FBXW7: variants seen among roughly 807,000 people sequenced by gnomAD.
The protein encoded by FBXW7 is F-box and WD repeat domain containing 7.
A neutral mutation model predicts 86.3 loss-of-function variants in FBXW7; 11 were observed. That is an observed-to-expected ratio of 0.13 (90% CI 0.08 to 0.21). The LOEUF is 0.21. Ranked by LOEUF, FBXW7 falls within the 10% of genes least tolerant of loss-of-function variation. The pLI, the probability that FBXW7 is intolerant of heterozygous loss-of-function variation, is 1.00. For synonymous variants in FBXW7, 313 were observed against 297.9 expected, an observed-to-expected ratio of 1.05 and a Z score of -0.52; for missense variants, 488 against 847.4, an observed-to-expected ratio of 0.58 and a Z score of 5.27.
At chr4:152,497,443 A>T (rs1364967366) in intron 2 of FBXW7, among the ~76,000 whole-genome samples, 1 of 151,878 alleles carries the variant, frequency 6.6e-6, no homozygotes, top group East Asian at 1.9e-4. Context: ...AATCACCACA[A>T]ATCAATTTAA....
At position 152,374,802 on chromosome 4, in the gene FBXW7, G is replaced by T. The variant is rs531501547; in HGVS notation, c.502-24678C>A. ...CCAGAAGGGAGGTTTCAAGAGAGAG[G>T]TAAGCTGGACCATGAGGTCATGGAA... On this transcript the variant is annotated intron_variant, in intron 4 of 13. Coordinates refer to ENST00000281708, the MANE Select transcript of FBXW7 (RefSeq NM_001349798.2). Among the ~76,000 whole-genome samples, 15 of 151,840 alleles carry T rather than the reference G, an allele frequency of 9.9e-5. No homozygotes were observed. In the South Asian group the frequency reaches 3.1e-3, roughly 32 times the overall value.
intron 4 of FBXW7, among the ~76,000 whole-genome samples, chr4:152,396,584 G>A (rs1736435666): frequency 6.6e-6 from 1 of 152,098 alleles, no homozygotes; most frequent in South Asian, 2.1e-4. Flanking sequence ...ACTCAAAGAA[G>A]GAGTCCATGT....
intron 4 of FBXW7, among the ~76,000 whole-genome samples, chr4:152,387,181 A>G (rs1318029275): frequency 6.6e-6 from 1 of 152,222 alleles, no homozygotes; most frequent in Non-Finnish European, 1.5e-5. Flanking sequence ...AAACTTTCAC[A>G]GGAATAATAT....
chr4:152,493,822 TGTG>T (rs1356634779), intron 2 of FBXW7, among the ~76,000 whole-genome samples: 1 of 152,226 alleles, frequency 6.6e-6, no homozygotes, highest in Non-Finnish European at 1.5e-5. Context: ...CCACCCAGTC[TGTG>T]GTATTTTATA....
At chr4:152,513,774 A>G (rs1748208226) in intron 2 of FBXW7, among the ~76,000 whole-genome samples, 1 of 152,228 alleles carries the variant, frequency 6.6e-6, no homozygotes, top group Non-Finnish European at 1.5e-5. Flanking sequence ...CATAGAAACC[A>G]TTCTGAAACA....
chr4:152,323,514 C>T lies in FBXW7; in HGVS notation c.1856-365G>A, dbSNP rs551623019. On this transcript the variant is annotated intron_variant, in intron 13 of 13. Transcript: ENST00000281708. ...GAGCACTAAGAGATCTATTACCCCACCACCATGAACCACTCAAAGCTGAAC... is the reference window on the plus strand; with the variant it reads ...GAGCACTAAGAGATCTATTACCCCATCACCATGAACCACTCAAAGCTGAAC... 16 of 248,710 alleles carry T rather than the reference C, an allele frequency of 6.4e-5. No homozygotes were observed. In the South Asian group the frequency reaches 9.1e-4, roughly 14 times the overall value. 15.4% of individuals were successfully genotyped at this position (248,710 alleles called of 1,614,324 possible).
At chr4:152,383,868 T>C (rs578143190) in intron 4 of FBXW7, among the ~76,000 whole-genome samples, 145 of 152,210 alleles carry the variant, frequency 9.5e-4, no homozygotes, top group African/African-American at 3.4e-3. Context: ...GCAGCAATGC[T>C]ACACAAAAAC....
intron 8 of FBXW7, among the ~76,000 whole-genome samples, chr4:152,332,274 T>C (rs1424483312): frequency 6.6e-6 from 1 of 152,094 alleles, no homozygotes. Flanking sequence ...TAAACATTTA[T>C]GAAAAGAATG....
chr4:152,534,720 A>C (rs1436875720), intron 2 of FBXW7, among the ~76,000 whole-genome samples: 1 of 151,988 alleles, frequency 6.6e-6, no homozygotes. Flanking sequence ...TGGAGAAAAG[A>C]CTCCTCCGAC....
At chr4:152,334,005 G>A (rs985082927) in intron 7 of FBXW7, among the ~76,000 whole-genome samples, 12 of 152,082 alleles carry the variant, frequency 7.9e-5, no homozygotes, top group African/African-American at 2.7e-4. Flanking sequence ...AGTGAGCCAA[G>A]ATCACGTCGT....
chr4:152,484,312 T>C (rs1404322223), intron 2 of FBXW7, among the ~76,000 whole-genome samples: 1 of 152,160 alleles, frequency 6.6e-6, no homozygotes. Context: ...AAATCAAGAT[T>C]CTTATTAAAG....
chr4:152,535,784 C>T lies in FBXW7; in HGVS notation c.-870G>A, dbSNP rs1262935842. On this transcript the variant is annotated 5_prime_UTR_variant, in exon 1 of 14. Transcript: ENST00000281708. ...ACCCACTCCCGGCCCGTGGTAGCCG[C>T]CTCCCTGCCCCCCAAGCCGCCGGCT... The T allele has an allele frequency of 7.6e-6, 3 of 393,644 alleles. No individual in the cohort carries two copies. The highest frequency in any genetic ancestry group is 1.2e-4 in the South Asian group (1 of 8,564). 24.4% of individuals were successfully genotyped at this position (393,644 alleles called of 1,614,324 possible).
At chr4:152,334,614 A>G (rs1729888147) in intron 7 of FBXW7, among the ~76,000 whole-genome samples, 3 of 152,218 alleles carry the variant, frequency 2.0e-5, no homozygotes, top group Admixed American at 2.0e-4. Flanking sequence ...AAGACTAGGA[A>G]ACAGCAAATC....
rs565455189 is a variant in FBXW7 at position 152,521,880 on chromosome 4, G to A, written c.-120+13061C>T. 3.4e-4 allele frequency among the ~76,000 whole-genome samples: 49 copies of A among 142,914 alleles called. No homozygotes were observed. In the East Asian group the frequency reaches 5.7e-3, roughly 17 times the overall value. 93.8% of individuals were successfully genotyped at this position (142,914 alleles called of 152,430 possible). ...GTCACCCAGGCTGGAGTGCAATGGC[G>A]CGATCTCAGCTCACTGCAACCTCCG... On this transcript the variant is annotated intron_variant, in intron 2 of 13. Coordinates refer to ENST00000281708, the MANE Select transcript of FBXW7 (RefSeq NM_001349798.2).
chr4:152,467,149 G>T (rs1289960853), intron 2 of FBXW7, among the ~76,000 whole-genome samples: 2 of 152,132 alleles, frequency 1.3e-5, no homozygotes, highest in Non-Finnish European at 2.9e-5. Flanking sequence ...ATCTTGAATT[G>T]CAGTTCTCAC....
intron 4 of FBXW7, among the ~76,000 whole-genome samples, chr4:152,394,077 T>C (rs551003520): frequency 5.3e-5 from 8 of 152,180 alleles, no homozygotes; most frequent in Admixed American, 1.3e-4. Context: ...ACCCTAATAA[T>C]TTACGAAGTG....
intron 5 of FBXW7, 43 bp downstream of exon 5, chr4:152,349,998 TA>T (rs1268399757): frequency 1.7e-6 from 2 of 1,156,800 alleles, no homozygotes; most frequent in African/African-American, 1.6e-5. Flanking sequence ...GAATCAACTC[TA>T]AAAAACTGAG....
chr4:152,428,732 T>C (rs1401383538), intron 2 of FBXW7, among the ~76,000 whole-genome samples: 1 of 152,202 alleles, frequency 6.6e-6, no homozygotes, highest in Non-Finnish European at 1.5e-5. Context: ...TGTTGAGAAT[T>C]GGTAAGGAAG....
At chr4:152,509,829 A>G (rs770797929) in intron 2 of FBXW7, among the ~76,000 whole-genome samples, 55 of 152,200 alleles carry the variant, frequency 3.6e-4, no homozygotes, top group Non-Finnish European at 8.8e-5. Context: ...TACTCCCTAC[A>G]GGATCATGAA....
Sources: gnomAD v4.1 joint callset for allele counts (sites outside exome capture counted in the v4.1 genomes callset) on GRCh38, gnomAD v4.1.1 for gene constraint, MANE v1.5 for transcripts, NCBI Gene and HGNC (gene_info 2026-07-23, HGNC 2026-07-21) for gene names.